FHOD3: variants seen among roughly 807,000 people sequenced by gnomAD.
FHOD3 encodes the protein formin homology 2 domain containing 3, also known as FH1/FH2 domain-containing protein 3.
Under a neutral mutation model 173.0 loss-of-function variants are expected in FHOD3, and 90 were observed. That is an observed-to-expected ratio of 0.52 (90% CI 0.44 to 0.62). The LOEUF (loss-of-function observed/expected upper bound fraction) is 0.62. Ranked by LOEUF, FHOD3 falls within the 20% of genes least tolerant of loss-of-function variation. The pLI, the probability that FHOD3 is intolerant of heterozygous loss-of-function variation, is 0.00. For missense variants in FHOD3, 1,945 were observed against 2,034.7 expected (o/e 0.96, Z 0.85); for synonymous variants, 828 against 823.0 (o/e 1.01, Z -0.10).
chr18:36,321,001 C>G (rs1314992326), intron 1 of FHOD3, among the ~76,000 whole-genome samples: 2 of 151,920 alleles, frequency 1.3e-5, no homozygotes, highest in African/African-American at 4.8e-5. Context: ...CCTCAGTTTC[C>G]TCATCTGCAA....
intron 1 of FHOD3, among the ~76,000 whole-genome samples, chr18:36,338,304 G>A (rs1299229117): frequency 6.6e-6 from 1 of 152,212 alleles, no homozygotes; most frequent in African/African-American, 2.4e-5. Flanking sequence ...TGCTTGGAAT[G>A]GAGGGCAGTA....
chr18:36,316,319 T>G (rs2044119412), intron 1 of FHOD3, among the ~76,000 whole-genome samples: 1 of 151,370 alleles, frequency 6.6e-6, no homozygotes, highest in Non-Finnish European at 1.5e-5. Flanking sequence ...ATGCCCAGGA[T>G]GGTACTTTGC....
At chr18:36,329,304 C>A (rs1032904108) in intron 1 of FHOD3, among the ~76,000 whole-genome samples, 3 of 152,134 alleles carry the variant, frequency 2.0e-5, no homozygotes, top group African/African-American at 7.2e-5. Flanking sequence ...CCCAACGAAC[C>A]ACTCTTGTAC....
chr18:36,733,090 G>A (rs2041453811), intron 20 of FHOD3, among the ~76,000 whole-genome samples: 2 of 152,132 alleles, frequency 1.3e-5, no homozygotes, highest in Admixed American at 1.3e-4. Flanking sequence ...ATAATCAAGG[G>A]TTGGTCTTAG....
chr18:36,655,712 G>A (rs1486539360), intron 13 of FHOD3, among the ~76,000 whole-genome samples: 1 of 150,740 alleles, frequency 6.6e-6, no homozygotes, highest in Non-Finnish European at 1.5e-5. Context: ...AATAAAGACC[G>A]ACCAGTTAGT....
At chr18:36,676,479 A>C (rs190510289) in intron 14 of FHOD3, among the ~76,000 whole-genome samples, 111 of 152,350 alleles carry the variant, frequency 7.3e-4, no homozygotes, top group African/African-American at 2.4e-3. Context: ...ACACTGCAAC[A>C]TATAGAATTA....
rs761319775 is a variant in FHOD3 at position 36,612,062 on chromosome 18, C to T, written c.924C>T (p.Asp308=). The T allele has an allele frequency of 6.2e-7, 1 of 1,614,116 alleles. No homozygotes were observed. The highest frequency in any genetic ancestry group is 8.5e-7 in the Non-Finnish European group (1 of 1,180,004). ...SQRHLNKKGT[D]LDLVEQLNIY... ...GGCACTTGAACAAGAAAGGGACTGACCTGGACTTAGTGGAGCAACTCAACA... is the reference window on the plus strand; with the variant it reads ...GGCACTTGAACAAGAAAGGGACTGATCTGGACTTAGTGGAGCAACTCAACA... The change falls in exon 9 of 29, where the codon GAC becomes GAT. Residue 308 remains aspartate, a synonymous_variant. Transcript: ENST00000590592.
At chr18:36,356,802 A>T (rs994917699) in intron 2 of FHOD3, among the ~76,000 whole-genome samples, 1 of 151,340 alleles carries the variant, frequency 6.6e-6, no homozygotes, top group Admixed American at 6.6e-5. Context: ...CGCCCTGCTA[A>T]TTTTTGTATT....
At chr18:36,428,628 A>G (rs548809642) in intron 3 of FHOD3, among the ~76,000 whole-genome samples, 147 of 152,230 alleles carry the variant, frequency 9.7e-4, no homozygotes, top group African/African-American at 3.5e-3. Flanking sequence ...GTCTTGTCAC[A>G]TGGTCTCTCA....
chr18:36,717,419 A>G (rs1568660902), intron 18 of FHOD3, among the ~76,000 whole-genome samples: 2 of 152,112 alleles, frequency 1.3e-5, no homozygotes, highest in Non-Finnish European at 2.9e-5. Context: ...TAGGGGAGAG[A>G]AACAGAGGTA....
intron 1 of FHOD3, among the ~76,000 whole-genome samples, chr18:36,316,927 T>G (rs868823533): frequency 1.6e-4 from 23 of 143,188 alleles, no homozygotes; most frequent in African/African-American, 5.8e-4. Context: ...CCTGTGTCCA[T>G]GTGTACTCAT....
chr18:36,716,364 T>A (rs1243596960), intron 18 of FHOD3, among the ~76,000 whole-genome samples: 6 of 152,006 alleles, frequency 3.9e-5, no homozygotes, highest in Admixed American at 1.3e-4. Flanking sequence ...ATGTGGAGGA[T>A]GAAAGAAAAG....
intron 18 of FHOD3, among the ~76,000 whole-genome samples, chr18:36,713,736 TATTAA>T (rs1474828667): frequency 2.0e-5 from 3 of 152,200 alleles, no homozygotes; most frequent in Non-Finnish European, 4.4e-5. Flanking sequence ...TATATGAATG[TATTAA>T]ATTATCACAT....
chr18:36,369,022 C>T (rs567402196), intron 2 of FHOD3, among the ~76,000 whole-genome samples: 1 of 152,276 alleles, frequency 6.6e-6, no homozygotes, highest in South Asian at 2.1e-4. Flanking sequence ...GTAAAAAGTA[C>T]TTAGAACCTC....
intron 3 of FHOD3, among the ~76,000 whole-genome samples, chr18:36,474,017 A>G (rs1421259028): frequency 6.6e-6 from 1 of 152,230 alleles, no homozygotes; most frequent in Non-Finnish European, 1.5e-5. Flanking sequence ...TATGGCAGTG[A>G]CATCCAGGTT....
intron 5 of FHOD3, among the ~76,000 whole-genome samples, chr18:36,562,601 C>T (rs16967961): frequency 0.01 from 1,522 of 152,182 alleles, 17 homozygotes; most frequent in African/African-American, 0.034. Context: ...CTACTTCGTA[C>T]CTATCCACAG....
chr18:36,714,202 A>G (rs1327526382), intron 18 of FHOD3, among the ~76,000 whole-genome samples: 1 of 152,248 alleles, frequency 6.6e-6, no homozygotes, highest in Non-Finnish European at 1.5e-5. Context: ...GGAGTCATAA[A>G]TTAATGAAGA....
intron 9 of FHOD3, among the ~76,000 whole-genome samples, chr18:36,624,992 A>C (rs1475512437): frequency 6.6e-6 from 1 of 152,192 alleles, no homozygotes; most frequent in African/African-American, 2.4e-5. Context: ...CTGTGGCACT[A>C]GTCCTCTTAG....
At chr18:36,649,464 A>G in intron 11 of FHOD3, 59 bp downstream of exon 11, 2 of 1,331,778 alleles carry the variant, frequency 1.5e-6, no homozygotes, top group Non-Finnish European at 2.1e-6. Context: ...CTTCCTAATG[A>G]TAGTTCACTG....
Sources: gnomAD v4.1 joint callset for allele counts (sites outside exome capture counted in the v4.1 genomes callset) on GRCh38, gnomAD v4.1.1 for gene constraint, MANE v1.5 for transcripts, NCBI Gene and HGNC (gene_info 2026-07-23, HGNC 2026-07-21) for gene names.